Variants in FGF13 observed in about 807,000 individuals in gnomAD.
The protein encoded by FGF13 is fibroblast growth factor 13.
In FGF13, 2 loss-of-function variants were observed where a neutral mutation model predicts 19.5. That is an observed-to-expected ratio of 0.10 (90% CI 0.04 to 0.32). The LOEUF (loss-of-function observed/expected upper bound fraction) is 0.32, where lower values mean the gene tolerates loss of function less well. Among genes scored for constraint, FGF13 ranks in the 10% least tolerant of loss-of-function variants. FGF13 has a pLI of 1.00. For synonymous variants in FGF13, 72 were observed against 76.9 expected, an observed-to-expected ratio of 0.94 and a Z score of 0.33; for missense variants, 113 against 192.7, an observed-to-expected ratio of 0.59 and a Z score of 2.45.
At chrX:138,809,276 C>A (rs2090900904) in intron 3 of FGF13, among the ~76,000 whole-genome samples, 1 of 111,990 alleles carries the variant, frequency 8.9e-6, no homozygotes, top group African/African-American at 3.2e-5. Context: ...CCCTGGGATG[C>A]AAGCCTGGTT....
intron 1 of FGF13, among the ~76,000 whole-genome samples, chrX:139,077,708 TGTAAACTTAAAATGCAGAA>T (rs1049547556): frequency 6.3e-5 from 7 of 111,977 alleles, no homozygotes; most frequent in African/African-American, 2.3e-4. Context: ...GCAGATAATG[TGTAAACTTAAAATGCAGAA>T]GCCTGATTGC....
At chrX:139,050,943 A>G (rs1213386388) in intron 1 of FGF13, among the ~76,000 whole-genome samples, 1 of 112,017 alleles carries the variant, frequency 8.9e-6, no homozygotes. Flanking sequence ...GCATTGCCTC[A>G]ACTTCAAATT....
rs746356825 is a variant in FGF13 at position 139,026,704 on chromosome X, CAAT to C, written c.-112-162057_-112-162055del. The stretch of plus-strand genomic sequence containing the variant: ...CAGCAGAATGGTGACAAACCAGTAG[CAAT>C]AAAGAGGTGGGAGGACTTGAGCCTG... On this transcript the variant is annotated intron_variant, in intron 1 of 2. Coordinates refer to the FGF13 transcript ENST00000421460. Among the ~76,000 whole-genome samples the C allele has an allele frequency of 2.7e-5, 3 of 111,741 alleles. No homozygotes were observed. In the East Asian group the frequency reaches 8.6e-4, roughly 32 times the overall value.
At chrX:138,871,929 G>A (rs145659021) in intron 1 of FGF13, among the ~76,000 whole-genome samples, 3,762 of 111,586 alleles carry the variant, frequency 0.034, 62 homozygotes, top group Middle Eastern at 0.084. Context: ...GATAGTGTCA[G>A]GCAGAAGAAT....
intron 3 of FGF13, among the ~76,000 whole-genome samples, chrX:138,665,692 A>G (rs994590672): frequency 9.0e-6 from 1 of 111,195 alleles, no homozygotes; most frequent in Non-Finnish European, 1.9e-5. Context: ...AGTGCTTGTC[A>G]GATGAAGGCA....
At chrX:138,776,956 A>T (rs1271247441) in intron 3 of FGF13, among the ~76,000 whole-genome samples, 1 of 111,659 alleles carries the variant, frequency 9.0e-6, no homozygotes, top group East Asian at 2.8e-4. Flanking sequence ...CTAGAGGAAA[A>T]CTCTGTAAGG....
intron 3 of FGF13, among the ~76,000 whole-genome samples, chrX:138,816,220 C>T (rs780927926): frequency 4.5e-5 from 5 of 111,191 alleles, no homozygotes; most frequent in East Asian, 5.7e-4. Context: ...ATTAAAATGG[C>T]TTTTACGTTT....
At chrX:138,902,614 TAAC>T (rs1412435771) in intron 1 of FGF13, among the ~76,000 whole-genome samples, 2 of 111,544 alleles carry the variant, frequency 1.8e-5, no homozygotes, top group South Asian at 3.8e-4. Flanking sequence ...ATCACTGTGA[TAAC>T]AACAAGTAGA....
intron 1 of FGF13, among the ~76,000 whole-genome samples, chrX:139,143,356 G>A (rs756733416): frequency 8.9e-6 from 1 of 112,100 alleles, no homozygotes; most frequent in South Asian, 3.7e-4. Flanking sequence ...ATCATTTACA[G>A]GTGTTCCACA....
At chrX:138,858,691 C>T (rs2091271776) in intron 2 of FGF13, among the ~76,000 whole-genome samples, 1 of 110,458 alleles carries the variant, frequency 9.1e-6, no homozygotes, top group African/African-American at 3.3e-5. Flanking sequence ...ACACTTAACA[C>T]GCATGTAGGA....
Position 138,802,719 on chromosome X carries a change from C to G in FGF13, c.217+54793G>C, listed in dbSNP as rs971333269. Among the ~76,000 whole-genome samples, 3 of 111,439 alleles carry G rather than the reference C, an allele frequency of 2.7e-5. No individual in the cohort carries two copies. The East Asian group carries it at 8.5e-4, about 32-fold the overall frequency. On this transcript the variant is annotated intron_variant, in intron 3 of 6. Transcript: ENST00000436198. ...CTAGTTGCTCTTTGTCTTTTCCTTT[C>G]TCTGCACTAAAAGCAAGTATTCACA...
upstream of FGF13, chrX:138,715,997 G>A (rs2090098175): frequency 8.9e-6 from 1 of 112,094 alleles, no homozygotes; most frequent in Non-Finnish European, 1.9e-5. Flanking sequence ...AAAAATGAGA[G>A]AACTCAGACA....
chrX:138,746,523 T>G (rs2090357626), intron 3 of FGF13, among the ~76,000 whole-genome samples: 1 of 111,902 alleles, frequency 8.9e-6, no homozygotes, highest in Admixed American at 9.5e-5. Context: ...TAAGGTACTC[T>G]TTGATTTGAC....
chrX:138,983,414 T>TTATATACATATATA (rs2091972291), intron 1 of FGF13, among the ~76,000 whole-genome samples: 1 of 81,196 alleles, frequency 1.2e-5, no homozygotes, highest in African/African-American at 4.3e-5. Context: ...TAAGTTGATC[T>TTATATACATATATA]TATATATATA....
chrX:138,647,391 T>C (rs2089319314), intron 3 of FGF13, among the ~76,000 whole-genome samples: 2 of 111,682 alleles, frequency 1.8e-5, no homozygotes, highest in African/African-American at 6.5e-5. Context: ...TGTAGCTATG[T>C]TGCAGTGAAC....
intron 3 of FGF13, among the ~76,000 whole-genome samples, chrX:138,693,121 G>A (rs1381098612): frequency 9.0e-6 from 1 of 111,671 alleles, no homozygotes; most frequent in Non-Finnish European, 1.9e-5. Flanking sequence ...CCAGACTTAT[G>A]CAATTTCACA....
chrX:139,008,039 C>A (rs930462596), intron 1 of FGF13, among the ~76,000 whole-genome samples: 2 of 112,569 alleles, frequency 1.8e-5, no homozygotes, highest in African/African-American at 6.5e-5. Flanking sequence ...CTTTCCCCCA[C>A]TTCTCTGGTG....
rs775614971 is a variant in FGF13 at position 139,126,313 on chromosome X, C to T, written c.-113+77103G>A. Among the ~76,000 whole-genome samples, 3 of 111,761 alleles carry T rather than the reference C, an allele frequency of 2.7e-5. No homozygotes were observed. In the South Asian group the frequency reaches 1.1e-3, roughly 42 times the overall value. ...TTTTAAAAATTCAGCTCAAGAGTCC[C>T]CTCCTTTAGGAAACCTTCCCAGACC... On this transcript the variant is annotated intron_variant, in intron 1 of 2. Coordinates refer to the FGF13 transcript ENST00000421460.
chrX:138,974,285 G>A (rs970108586), intron 1 of FGF13, among the ~76,000 whole-genome samples: 1 of 111,908 alleles, frequency 8.9e-6, no homozygotes, highest in African/African-American at 3.2e-5. Context: ...AGGAAACTAA[G>A]GAAACTATAA....
Sources: gnomAD v4.1 joint callset for allele counts (sites outside exome capture counted in the v4.1 genomes callset) on GRCh38, gnomAD v4.1.1 for gene constraint, MANE v1.5 for transcripts, NCBI Gene and HGNC (gene_info 2026-07-23, HGNC 2026-07-21) for gene names.